TEX12: variants seen among roughly 807,000 people sequenced by gnomAD.
The protein encoded by TEX12 is testis expressed 12.
A neutral mutation model predicts 14.6 loss-of-function variants in TEX12; 7 were observed. That is an observed-to-expected ratio of 0.48 (90% CI 0.27 to 0.90). TEX12 has a LOEUF of 0.90. Ranked by LOEUF, TEX12 falls within the 40% of genes least tolerant of loss-of-function variation. The pLI is 0.12. For missense variants in TEX12, 121 were observed against 135.7 expected, an observed-to-expected ratio of 0.89 and a Z score of 0.54; for synonymous variants, 57 against 49.1, an observed-to-expected ratio of 1.16 and a Z score of -0.67.
At chr11:112,167,801 G>A (rs1423129004) in intron 1 of TEX12, among the ~76,000 whole-genome samples, 1 of 152,066 alleles carries the variant, frequency 6.6e-6, no homozygotes, top group African/African-American at 2.4e-5. Context: ...ACAGGAAAAC[G>A]AACTTATTTT....
intron 1 of TEX12, 127 bp downstream of exon 1, chr11:112,167,614 G>C (rs1291185722): frequency 6.6e-6 from 1 of 152,644 alleles, no homozygotes; most frequent in Non-Finnish European, 1.5e-5. Context: ...CTAGGATCGC[G>C]TTGAGAAGAG....
Position 112,171,903 on chromosome 11 carries a change from C to A in TEX12, c.359C>A (p.Thr120Lys). 6.5e-7 allele frequency: 1 copy of A among 1,531,448 alleles called. No homozygotes were observed. Among genetic ancestry groups the A allele is most frequent in the South Asian group, 1.3e-5 (1 of 76,646 alleles). 94.9% of individuals were successfully genotyped at this position (1,531,448 alleles called of 1,614,324 possible). The change falls in exon 5 of 5, where the codon ACA (threonine) becomes AAA (lysine). Residue 120 changes from threonine to lysine, a missense_variant. By Grantham distance (78) the Thr-to-Lys change is moderately conservative. Transcript: ENST00000280358. ...LRQRFTVIANTLHR is the reference protein window; with the variant it reads ...LRQRFTVIANKLHR ...CAGAGGTTTACAGTGATTGCAAACA[C>A]ATTACACAGATAAAATATATACTTG...
Position 112,170,465 on chromosome 11 carries a change from A to G in TEX12, c.110A>G (p.Asp37Gly), listed in dbSNP as rs1238827786. Residue 37 changes from aspartate to glycine, a missense_variant, in exon 3 of 5, where the codon GAT becomes GGT. Transcript: ENST00000280358. ...CAGCTGTCCTCTCTTGGAAAATCAG[A>G]TTCATCTTTCTCTGAAATTTCCGGA... ...SPQLSSLGKS[D>G]SSFSEISGLF... 2.5e-6 allele frequency: 4 copies of G among 1,613,844 alleles called. No homozygotes were observed. Among genetic ancestry groups the G allele is most frequent in the South Asian group, 2.2e-5 (2 of 91,068 alleles).
intron 2 of TEX12, among the ~76,000 whole-genome samples, chr11:112,169,613 T>G (rs574398805): frequency 5.9e-5 from 9 of 152,320 alleles, no homozygotes; most frequent in Admixed American, 3.9e-4. Flanking sequence ...TATGTAATTA[T>G]TTTGCTGTGA....
Position 112,170,727 on chromosome 11 carries a change from A to G in TEX12, c.227+53A>G, listed in dbSNP as rs920607377. ...GTCTTTATGTTAGTTTTCTTCTGGA[A>G]ACTCTGTATTGGGAAGTTTAATTCT... On this transcript the variant is annotated intron_variant, in intron 4 of 4. Transcript: ENST00000280358. The G allele has an allele frequency of 6.7e-5, 97 of 1,445,228 alleles. No individual in the cohort carries two copies. The South Asian group carries it at 8.6e-4, about 13-fold the overall frequency. 89.5% of individuals were successfully genotyped at this position (1,445,228 alleles called of 1,614,324 possible).
rs1464673186 is a variant in TEX12, at chr11:112,172,270, G to A, written c.*354G>A. 1 of 152,642 alleles carries A rather than the reference G, an allele frequency of 6.6e-6. No individual in the cohort carries two copies. The allele number at this position is 152,642 out of a possible 1,614,324, so 9.5% of individuals were successfully genotyped here. A position where few individuals can be genotyped will look rare whatever the true frequency, so the allele number is the denominator to read the frequency against. ...TCTGAAACTTCTAAAAAAGGATTCA[G>A]TTAATTTATAATGTTTAATAATATT... On this transcript the variant is annotated 3_prime_UTR_variant, in exon 5 of 5. Transcript: ENST00000280358.
chr11:112,171,437 G>T (rs180976664), intron 4 of TEX12, among the ~76,000 whole-genome samples: 1 of 151,814 alleles, frequency 6.6e-6, no homozygotes, highest in Non-Finnish European at 1.5e-5. Flanking sequence ...TACTTTATTA[G>T]CCTAATATGT....
chr11:112,170,743 GT>G (rs1866781314), intron 4 of TEX12, 69 bp downstream of exon 4: 1 of 1,285,828 alleles, frequency 7.8e-7, no homozygotes, highest in Non-Finnish European at 1.1e-6. Flanking sequence ...GTATTGGGAA[GT>G]TTAATTCTGT....
intron 1 of TEX12, 147 bp from the exon 2 acceptor site, chr11:112,169,106 G>T: frequency 1.5e-6 from 1 of 661,042 alleles, no homozygotes. Flanking sequence ...GAATGATTTA[G>T]AGGAGGGAGA....
chr11:112,170,618 A>G lies in TEX12; in HGVS notation c.176-5A>G. The G allele has an allele frequency of 6.2e-7, 1 of 1,610,980 alleles. No individual in the cohort carries two copies. Among genetic ancestry groups the G allele is most frequent in the Non-Finnish European group, 8.5e-7 (1 of 1,177,678 alleles). On this transcript the variant is annotated splice_region_variant and splice_polypyrimidine_tract_variant and intron_variant, in intron 3 of 4. Coordinates refer to ENST00000280358, the MANE Select transcript of TEX12 (RefSeq NM_031275.4). ...TTTATAACTTAAATGATTTTTCTTG[A>G]ACAGATGTGAGCAAGGAAATTAATC...
chr11:112,170,255 G>A (rs1866774279), intron 2 of TEX12, 164 bp from the exon 3 acceptor site: 2 of 506,396 alleles, frequency 3.9e-6, no homozygotes, highest in African/African-American at 2.0e-5. Flanking sequence ...TCTTGGGCCT[G>A]TAAATTTCCT....
intron 4 of TEX12, among the ~76,000 whole-genome samples, chr11:112,170,911 A>G (rs1218462699): frequency 6.6e-6 from 1 of 152,166 alleles, no homozygotes; most frequent in East Asian, 1.9e-4. Flanking sequence ...TAGACTGTAT[A>G]TATCTTGGTC....
At position 112,170,495 on chromosome 11, in the gene TEX12, T is replaced by G. The variant is rs1181199885; in HGVS notation, c.140T>G (p.Phe47Cys). 5 of 1,613,504 alleles carry G rather than the reference T, an allele frequency of 3.1e-6. No individual in the cohort carries two copies. The highest frequency in any genetic ancestry group is 8.5e-7 in the Non-Finnish European group (1 of 1,179,562). The change falls in exon 3 of 5, where the codon TTT becomes TGT. Residue 47 changes from phenylalanine (F) to cysteine (C), a missense_variant. Transcript: ENST00000280358. ...DSSFSEISGL[F>C]YKDEALEKDL... Reference sequence around the variant, plus strand: ...TCTTTCTCTGAAATTTCCGGACTATTTTATAAAGATGAAGCCTTGGAGAAA... The same window carrying G: ...TCTTTCTCTGAAATTTCCGGACTATGTTATAAAGATGAAGCCTTGGAGAAA...
chr11:112,171,815 G>T lies in TEX12; in HGVS notation c.271G>T (p.Glu91Ter). ...TGCATCTTACATTGATGAGATAGAT[G>T]AACTCTTCAAAGAAGCCAATGCTAT... Reference protein sequence around the residue: ...VDASYIDEIDELFKEANAIEN... With the variant: ...VDASYIDEID The change falls in exon 5 of 5, where the codon GAA (glutamate) becomes TAA (stop). Residue 91 changes from glutamate (E) to a stop codon, truncating the protein, a stop_gained. Coordinates refer to ENST00000280358, the MANE Select transcript of TEX12 (RefSeq NM_031275.4). LOFTEE classifies it high-confidence loss of function. 1 of 1,592,762 alleles carries T rather than the reference G, an allele frequency of 6.3e-7. No homozygotes were observed. Among genetic ancestry groups the T allele is most frequent in the Non-Finnish European group, 8.5e-7 (1 of 1,171,124 alleles).
intron 4 of TEX12, among the ~76,000 whole-genome samples, chr11:112,170,992 A>G (rs1199166046): frequency 1.3e-5 from 2 of 152,092 alleles, no homozygotes; most frequent in Non-Finnish European, 1.5e-5. Flanking sequence ...GATGAAATTA[A>G]TGATAACAGA....
intron 4 of TEX12, 113 bp downstream of exon 4, chr11:112,170,787 G>T: frequency 1.3e-6 from 1 of 780,758 alleles, no homozygotes; most frequent in South Asian, 1.8e-5. Context: ...TTAAAACTTT[G>T]GAATTTTTTA....
At chr11:112,169,619 T>A (rs576544752) in intron 2 of TEX12, among the ~76,000 whole-genome samples, 2 of 152,334 alleles carry the variant, frequency 1.3e-5, no homozygotes, top group East Asian at 3.9e-4. Context: ...ATTATTTTGC[T>A]GTGATAAGTA....
At position 112,170,413 on chromosome 11, in the gene TEX12, T is replaced by C. The variant is rs200513498; in HGVS notation, c.64-6T>C. On this transcript the variant is annotated splice_region_variant and splice_polypyrimidine_tract_variant and intron_variant, in intron 2 of 4. Coordinates refer to ENST00000280358, the MANE Select transcript of TEX12 (RefSeq NM_031275.4). Reference sequence around the variant, plus strand: ...TGTACCTGTTTTCTTTATTTTGTCCTGTTAGTCTCCAGTGCCAGATAGTCC... The same window carrying C: ...TGTACCTGTTTTCTTTATTTTGTCCCGTTAGTCTCCAGTGCCAGATAGTCC... 27 of 641,162 alleles carry C rather than the reference T, an allele frequency of 4.2e-5. No homozygotes were observed. The East Asian group carries it at 1.9e-3, about 45-fold the overall frequency. 39.7% of individuals were successfully genotyped at this position (641,162 alleles called of 1,614,324 possible).
intron 2 of TEX12, 125 bp from the exon 3 acceptor site, chr11:112,170,294 A>G: frequency 1.6e-6 from 1 of 618,332 alleles, no homozygotes; most frequent in South Asian, 2.4e-5. Flanking sequence ...TGACTAAGTC[A>G]TATGCTTTCT....
Sources: allele counts gnomAD v4.1 joint callset (sites outside exome capture counted in the v4.1 genomes callset), GRCh38; gene constraint gnomAD v4.1.1; transcripts MANE v1.5; gene names NCBI Gene and HGNC (gene_info 2026-07-23, HGNC 2026-07-21).